MAP7: variants seen among roughly 807,000 people sequenced by gnomAD.
The protein encoded by MAP7 is microtubule associated protein 7, also known as ensconsin.
In MAP7, 52 loss-of-function variants were observed where a neutral mutation model predicts 94.8. The observed-to-expected ratio is 0.55, with a 90% CI of 0.44 to 0.69. The LOEUF is 0.69. Ranked by LOEUF, MAP7 falls within the 30% of genes least tolerant of loss-of-function variation. The pLI is 0.00. For missense variants in MAP7, 940 were observed against 964.6 expected (o/e 0.97, Z 0.34); for synonymous variants, 350 against 357.0 (o/e 0.98, Z 0.22).
At chr6:136,515,364 A>G (rs545232067) in intron 1 of MAP7, among the ~76,000 whole-genome samples, 1 of 152,266 alleles carries the variant, frequency 6.6e-6, no homozygotes, top group East Asian at 1.9e-4. Context: ...ATTTGTGTTT[A>G]CCATGGTAGC....
rs748535607 is a variant in MAP7, at chr6:136,389,502, A to G, written c.260T>C (p.Val87Ala). The part of the protein sequence containing the change: ...REKQLAAREI[V>A]WLEREERARQ... Reference sequence around the variant, plus strand: ...GGCTCGCTCTTCTCTTTCTAACCACACTATTTCTCTTGCAGCTTTGGGGAG... The same window carrying G: ...GGCTCGCTCTTCTCTTTCTAACCACGCTATTTCTCTTGCAGCTTTGGGGAG... The change falls in exon 4 of 18, where the codon GTG becomes GCG. Residue 87 changes from valine to alanine, a missense_variant. Val to Ala is a moderately conservative substitution (Grantham distance 64, BLOSUM62 0). Coordinates refer to ENST00000354570, the MANE Select transcript of MAP7 (RefSeq NM_003980.6). The G allele has an allele frequency of 3.1e-6, 5 of 1,606,110 alleles. No individual in the cohort carries two copies. Among genetic ancestry groups the G allele is most frequent in the Non-Finnish European group, 4.2e-6 (5 of 1,178,378 alleles).
intron 1 of MAP7, among the ~76,000 whole-genome samples, chr6:136,422,085 G>A (rs1791558207): frequency 1.3e-5 from 2 of 152,226 alleles, no homozygotes; most frequent in South Asian, 2.1e-4. Context: ...AAGCAACCAC[G>A]TGGAAGCACG....
chr6:136,428,443 C>A (rs1476380049), intron 1 of MAP7, among the ~76,000 whole-genome samples: 1 of 152,038 alleles, frequency 6.6e-6, no homozygotes, highest in Non-Finnish European at 1.5e-5. Flanking sequence ...TCGCTTGAAC[C>A]CAGGAAGTGG....
At chr6:136,530,090 C>T (rs931043393) in intron 1 of MAP7, among the ~76,000 whole-genome samples, 1 of 152,212 alleles carries the variant, frequency 6.6e-6, no homozygotes, top group African/African-American at 2.4e-5. Context: ...AAACAGCACA[C>T]TCCATGAATG....
At chr6:136,422,238 C>T (rs1791606576) in intron 1 of MAP7, among the ~76,000 whole-genome samples, 1 of 152,174 alleles carries the variant, frequency 6.6e-6, no homozygotes, top group Admixed American at 6.5e-5. Context: ...TCTGCAGTAG[C>T]CCCAGGTCCT....
Position 136,413,536 on chromosome 6 carries a change from A to G in MAP7, c.167-1839T>C, listed in dbSNP as rs953470991. Among the ~76,000 whole-genome samples, 8 of 152,270 alleles carry G rather than the reference A, an allele frequency of 5.3e-5. No homozygotes were observed. In the East Asian group the frequency reaches 5.8e-4, roughly 11 times the overall value. On this transcript the variant is annotated intron_variant, in intron 2 of 17. Transcript: ENST00000354570. ...GAGACACCGTCTCAGAAAAAAAAAA[A>G]AAAAGAAAAGAAAATACAGTAGAGA... is the stretch of plus-strand genomic sequence containing the variant.
At chr6:136,446,142 C>T (rs1799250964) in intron 1 of MAP7, among the ~76,000 whole-genome samples, 1 of 152,046 alleles carries the variant, frequency 6.6e-6, no homozygotes, top group Admixed American at 6.5e-5. Context: ...ACAAAGGATA[C>T]TGATGATCAT....
chr6:136,360,509 GAAGT>G (rs1222389428), intron 13 of MAP7, among the ~76,000 whole-genome samples, 184 bp downstream of exon 13: 2 of 152,164 alleles, frequency 1.3e-5, no homozygotes, highest in Non-Finnish European at 2.9e-5. Flanking sequence ...ACATGAAGTG[GAAGT>G]AAGTGTTTTT....
chr6:136,463,888 A>G (rs1425443250), intron 1 of MAP7, among the ~76,000 whole-genome samples: 1 of 152,210 alleles, frequency 6.6e-6, no homozygotes, highest in Non-Finnish European at 1.5e-5. Context: ...GAGAACAGCT[A>G]GTGTTCGAGT....
intron 1 of MAP7, among the ~76,000 whole-genome samples, chr6:136,527,374 G>A (rs1236031088): frequency 1.3e-5 from 2 of 152,088 alleles, no homozygotes; most frequent in African/African-American, 4.8e-5. Flanking sequence ...TAAAAATCAA[G>A]TCTGCTTAGC....
chr6:136,471,250 T>G (rs1162646351), intron 1 of MAP7, among the ~76,000 whole-genome samples: 1 of 152,204 alleles, frequency 6.6e-6, no homozygotes. Flanking sequence ...GTTTTGATCA[T>G]GGTGGGTCTT....
chr6:136,394,351 C>A (rs1781685180), intron 3 of MAP7, among the ~76,000 whole-genome samples: 1 of 152,048 alleles, frequency 6.6e-6, no homozygotes, highest in African/African-American at 2.4e-5. Context: ...CTTTTTAAAG[C>A]TTTTTAGTGG....
At chr6:136,377,915 G>T in intron 6 of MAP7, 47 bp from the exon 7 acceptor site, 1 of 1,354,856 alleles carries the variant, frequency 7.4e-7, no homozygotes, top group Non-Finnish European at 1.1e-6. Flanking sequence ...TCTTTTCAGA[G>T]TCAAGAGGGC....
chr6:136,362,815 G>C, intron 10 of MAP7, 113 bp from the exon 11 acceptor site: 1 of 1,459,154 alleles, frequency 6.9e-7, no homozygotes, highest in African/African-American at 1.4e-5. Context: ...GAAAGAAAAG[G>C]GAATGTTTAT....
chr6:136,506,864 C>T (rs1821673661), intron 1 of MAP7, among the ~76,000 whole-genome samples: 1 of 152,164 alleles, frequency 6.6e-6, no homozygotes, highest in South Asian at 2.1e-4. Context: ...CCAATCCCAG[C>T]GGCCATACTT....
intron 1 of MAP7, among the ~76,000 whole-genome samples, chr6:136,427,076 T>C (rs3778301): frequency 0.74 from 112,179 of 152,196 alleles, 42,540 homozygotes; most frequent in Middle Eastern, 0.85. Context: ...TATTTGACCA[T>C]TACGTGGTAA....
intron 1 of MAP7, among the ~76,000 whole-genome samples, chr6:136,461,294 C>T (rs533299861): frequency 1.3e-5 from 2 of 152,172 alleles, no homozygotes; most frequent in African/African-American, 2.4e-5. Context: ...ATTTTTACCT[C>T]GACAATGACT....
At chr6:136,515,000 G>A (rs951111982) in intron 1 of MAP7, among the ~76,000 whole-genome samples, 1 of 152,206 alleles carries the variant, frequency 6.6e-6, no homozygotes, top group Admixed American at 6.5e-5. Flanking sequence ...TCTTCCAACA[G>A]AAGGCTGTTT....
intron 1 of MAP7, among the ~76,000 whole-genome samples, chr6:136,527,235 C>G (rs950600072): frequency 5.9e-5 from 9 of 152,202 alleles, no homozygotes; most frequent in Non-Finnish European, 1.3e-4. Flanking sequence ...AGCTATCTCA[C>G]TTTAAGACTC....
Sources: allele counts gnomAD v4.1 joint callset (sites outside exome capture counted in the v4.1 genomes callset), GRCh38; gene constraint gnomAD v4.1.1; transcripts MANE v1.5; gene names NCBI Gene and HGNC (gene_info 2026-07-23, HGNC 2026-07-21).